Variants in WNK1 observed in about 807,000 individuals in gnomAD.
WNK1 encodes WNK lysine deficient protein kinase 1, also known as serine/threonine-protein kinase WNK1.
A neutral mutation model predicts 222.8 loss-of-function variants in WNK1; 38 were observed. That is an observed-to-expected ratio of 0.17 (90% CI 0.13 to 0.22). WNK1 has a LOEUF of 0.22. WNK1 is among the 10% of genes least tolerant of loss of function. The probability of loss-of-function intolerance (pLI) is 1.00; values close to 1 mark genes in which losing one functional copy is unlikely to be tolerated. For missense variants in WNK1, 2,348 were observed against 2,918.4 expected (o/e 0.80, Z 4.50); for synonymous variants, 1,090 against 1,092.9 (o/e 1.00, Z 0.05).
chr12:852,067 T>G (rs1406942881), intron 4 of WNK1, among the ~76,000 whole-genome samples: 2 of 152,190 alleles, frequency 1.3e-5, no homozygotes, highest in Non-Finnish European at 2.9e-5. Flanking sequence ...GCATCAGCTT[T>G]TAAGAAGCAA....
At chr12:828,092 G>A (rs1403580281) in intron 3 of WNK1, among the ~76,000 whole-genome samples, 1 of 151,218 alleles carries the variant, frequency 6.6e-6, no homozygotes, top group African/African-American at 2.4e-5. Flanking sequence ...GAGGTCAGGA[G>A]TTTGAGACCA....
intron 2 of WNK1, among the ~76,000 whole-genome samples, chr12:816,534 C>T (rs781207609): frequency 7.2e-5 from 11 of 152,064 alleles, no homozygotes; most frequent in East Asian, 1.9e-4. Flanking sequence ...GGCCTCATCC[C>T]GATTTGACCT....
In WNK1 at chr12:889,218, G is replaced by A. The variant is rs781394180; in HGVS notation, c.5443G>A (p.Val1815Ile). 3 of 1,613,642 alleles carry A rather than the reference G, an allele frequency of 1.9e-6. No homozygotes were observed. The African/African-American group carries it at 4.0e-5, about 22-fold the overall frequency. The change falls in exon 21 of 28, where the codon GTT becomes ATT. Residue 1815 changes from valine (V) to isoleucine (I), a missense_variant. Transcript: ENST00000315939. ...SPEMITVTSA[V>I]GPVSMAAPTA... ...AGAGATGATCACAGTGACTTCTGCG[G>A]TTGGTGTAAGTTTTGAAAATCTTGA...
At chr12:797,983 A>G (rs1028193787) in intron 1 of WNK1, among the ~76,000 whole-genome samples, 2 of 150,878 alleles carry the variant, frequency 1.3e-5, no homozygotes, top group African/African-American at 4.9e-5. Context: ...TCTAACCTCT[A>G]TTCTATGTAT....
rs768593273 is a variant in WNK1 at position 753,577 on chromosome 12, C to T, written c.12C>T (p.Gly4=). 32 of 1,612,430 alleles carry T rather than the reference C, an allele frequency of 2.0e-5. No individual in the cohort carries two copies. Among genetic ancestry groups the T allele is most frequent in the Non-Finnish European group, 2.6e-5 (31 of 1,179,940 alleles). ...CCAGCGAACCGACCATGTCTGGCGGCGCCGCAGAGAAGCAGAGCAGCACTC... is the reference window on the plus strand; with the variant it reads ...CCAGCGAACCGACCATGTCTGGCGGTGCCGCAGAGAAGCAGAGCAGCACTC... The part of the protein sequence containing the change: MSG[G]AAEKQSSTPG... Residue 4 remains glycine, a synonymous_variant, in exon 1 of 28, where the codon GGC becomes GGT. Transcript: ENST00000315939. This position sits in a 1 kb window ranked among gnomAD's most constrained non-coding sequence, Gnocchi z 5.2.
intron 1 of WNK1, among the ~76,000 whole-genome samples, chr12:806,330 A>C (rs1246934222): frequency 1.3e-5 from 2 of 152,204 alleles, no homozygotes; most frequent in Non-Finnish European, 2.9e-5. Flanking sequence ...ATTGAGAAAT[A>C]AGCTGGATCC....
At position 883,586 on chromosome 12, in the gene WNK1, A is replaced by G. The variant is rs760879077; in HGVS notation, c.3663+18A>G. On this transcript the variant is annotated intron_variant, in intron 16 of 27. Transcript: ENST00000315939. ...GTTCTCAGGTAGGTTCACCACTCCC[A>G]TAGTGAAACTTTGTTGATTTAAAAT... 66 of 1,613,934 alleles carry G rather than the reference A, an allele frequency of 4.1e-5. No homozygotes were observed. Among genetic ancestry groups the G allele is most frequent in the Middle Eastern group, 1.6e-4 (1 of 6,084 alleles).
At chr12:819,134 A>G (rs946571484) in intron 2 of WNK1, among the ~76,000 whole-genome samples, 3 of 152,168 alleles carry the variant, frequency 2.0e-5, no homozygotes. Context: ...CTTATTGGCT[A>G]TTTGTGTATC....
rs138521142 is a variant in WNK1, at chr12:762,709, CTCT to C, written c.759+8393_759+8395del. Reference sequence around the variant, plus strand: ...AGTGTAGAGATTCCAGTAGTCCCCACTCTTCTTCTTAGGGGATAATGGTTATTT... The same window carrying C: ...AGTGTAGAGATTCCAGTAGTCCCCACTCTTCTTAGGGGATAATGGTTATTT... On this transcript the variant is annotated intron_variant, in intron 1 of 27. Coordinates refer to ENST00000315939, the MANE Select transcript of WNK1 (RefSeq NM_018979.4). Among the ~76,000 whole-genome samples, 104 of 147,250 alleles carry C rather than the reference CTCT, an allele frequency of 7.1e-4. 4 individuals are homozygous for C. The highest frequency in any genetic ancestry group is 2.4e-3 in the African/African-American group (99 of 41,138).
intron 1 of WNK1, among the ~76,000 whole-genome samples, chr12:771,346 A>T (rs1004976100): frequency 6.6e-6 from 1 of 152,030 alleles, no homozygotes. Flanking sequence ...TAAGCTTGTT[A>T]ATTAATTTAG....
In WNK1 at chr12:883,409, T is replaced by C; in HGVS notation, c.3504T>C (p.Phe1168=). ...TTCTTTTACAGGTGAACAATGACTTTATTCTAGCAATAGAGAGAGAGTCGT... is the reference window on the plus strand; with the variant it reads ...TTCTTTTACAGGTGAACAATGACTTCATTCTAGCAATAGAGAGAGAGTCGT... The part of the protein sequence containing the change: ...EIATIMVNND[F]ILAIERESFV... The change falls in exon 16 of 28, where the codon TTT becomes TTC. Residue 1168 remains phenylalanine (F), a synonymous_variant. Coordinates refer to ENST00000315939, the MANE Select transcript of WNK1 (RefSeq NM_018979.4). The C allele has an allele frequency of 6.2e-7, 1 of 1,614,226 alleles. No homozygotes were observed. Among genetic ancestry groups the C allele is most frequent in the South Asian group, 1.1e-5 (1 of 91,086 alleles).
chr12:818,199 C>T (rs148843338), intron 2 of WNK1, among the ~76,000 whole-genome samples: 12 of 152,226 alleles, frequency 7.9e-5, no homozygotes, highest in African/African-American at 2.6e-4. Context: ...AGCCAGGCAG[C>T]GTATTTTTTC....
At chr12:782,584 A>C (rs923263066) in intron 1 of WNK1, among the ~76,000 whole-genome samples, 5 of 152,170 alleles carry the variant, frequency 3.3e-5, no homozygotes, top group Non-Finnish European at 7.4e-5. Context: ...GGCTCACTGC[A>C]ACCTCCACCT....
chr12:803,603 T>G (rs1946083571), intron 1 of WNK1, among the ~76,000 whole-genome samples: 1 of 152,038 alleles, frequency 6.6e-6, no homozygotes, highest in South Asian at 2.1e-4. Context: ...GCCAACATAG[T>G]GAAACCCTGT....
In WNK1 at chr12:908,964, C is replaced by A; in HGVS notation, c.*172C>A. ...ATTGAGCCCTCAGAATGGAGAGTCTCCCCCGCTCCAGTTATTGGAATGGGA... is the reference window on the plus strand; with the variant it reads ...ATTGAGCCCTCAGAATGGAGAGTCTACCCCGCTCCAGTTATTGGAATGGGA... On this transcript the variant is annotated 3_prime_UTR_variant, in exon 28 of 28. Coordinates refer to ENST00000315939, the MANE Select transcript of WNK1 (RefSeq NM_018979.4). 1.3e-6 allele frequency: 1 copy of A among 745,042 alleles called. No homozygotes were observed. The highest frequency in any genetic ancestry group is 2.2e-6 in the Non-Finnish European group (1 of 459,420). 46.2% of individuals were successfully genotyped at this position (745,042 alleles called of 1,614,324 possible).
In WNK1 at chr12:813,756, A is replaced by G; in HGVS notation, c.874A>G (p.Lys292Glu). The G allele has an allele frequency of 6.2e-7, 1 of 1,614,020 alleles. No homozygotes were observed. ...TTATGATTCCTGGGAATCCACAGTA[A>G]AAGGAAAGAAGTGCATTGTTTTGGT... ...RFYDSWESTV[K>E]GKKCIVLVTE... The change falls in exon 2 of 28, where the codon AAA (lysine) becomes GAA (glutamate). Residue 292 changes from lysine (K) to glutamate (E), a missense_variant. Lys to Glu is a moderately conservative substitution (Grantham distance 56). Coordinates refer to ENST00000315939, the MANE Select transcript of WNK1 (RefSeq NM_018979.4).
intron 8 of WNK1, chr12:868,002 G>T: frequency 6.2e-7 from 1 of 1,613,810 alleles, no homozygotes; most frequent in Non-Finnish European, 8.5e-7. Flanking sequence ...ATTTCCCAGC[G>T]GCGTAAGAGC....
intron 23 of WNK1, among the ~76,000 whole-genome samples, chr12:895,676 C>A (rs1248986860): frequency 2.0e-5 from 3 of 152,178 alleles, no homozygotes; most frequent in African/African-American, 7.2e-5. Context: ...CCAGGCTGAT[C>A]TGAAACTCCT....
intron 10 of WNK1, 95 bp from the exon 11 acceptor site, chr12:879,478 T>TG: frequency 6.4e-6 from 5 of 781,972 alleles, no homozygotes; most frequent in Non-Finnish European, 9.6e-6. Flanking sequence ...TCCTTCTTTT[T>TG]GGCTAATACA....
Sources: allele counts gnomAD v4.1 joint callset (sites outside exome capture counted in the v4.1 genomes callset), GRCh38; gene constraint gnomAD v4.1.1; non-coding constraint Gnocchi (gnomAD v3.1); transcripts MANE v1.5; gene names NCBI Gene and HGNC (gene_info 2026-07-23, HGNC 2026-07-21).